Variants in MZT2B observed in about 807,000 individuals in gnomAD.
MZT2B encodes mitotic-spindle organizing protein 2B.
In MZT2B, 11 loss-of-function variants were observed where a neutral mutation model predicts 12.1. The observed-to-expected ratio is 0.91, with a 90% CI of 0.57 to 1.50. The LOEUF (loss-of-function observed/expected upper bound fraction) is 1.50. Ranked by LOEUF, MZT2B falls within the 40% of genes most tolerant of loss-of-function variation. The pLI is 0.00. For synonymous variants in MZT2B, 85 were observed against 109.5 expected, an observed-to-expected ratio of 0.78 and a Z score of 1.40; for missense variants, 209 against 227.7, an observed-to-expected ratio of 0.92 and a Z score of 0.53.
At chr2:130,183,414 C>G (rs921783405) in intron 2 of MZT2B, 1 of 382,592 alleles carries the variant, frequency 2.6e-6, no homozygotes, top group Non-Finnish European at 5.0e-6. Context: ...CCTGCGGGGT[C>G]TGAAGGGCCT....
At chr2:130,182,176 C>T, upstream of MZT2B, 1 of 1,261,612 alleles carries the variant, frequency 7.9e-7, no homozygotes, top group Non-Finnish European at 1.0e-6. Flanking sequence ...GCCCCTCCCG[C>T]CAGGGCAGCC....
downstream of MZT2B, among the ~76,000 whole-genome samples, chr2:130,193,263 A>G (rs1179132947): frequency 6.6e-6 from 1 of 151,946 alleles, no homozygotes; most frequent in East Asian, 1.9e-4. Context: ...AAATAAATAA[A>G]TAAATAAAGC....
chr2:130,204,214 C>A, the MZT2B span: 1 of 1,198,798 alleles, frequency 8.3e-7, no homozygotes, highest in Non-Finnish European at 1.1e-6. Flanking sequence ...AGCCAAAGAA[C>A]TGAAAGATGC....
downstream of MZT2B, chr2:130,192,001 A>C (rs1273777774): frequency 4.3e-6 from 7 of 1,613,914 alleles, no homozygotes. Flanking sequence ...ATGAGATCGA[A>C]CTTATGGACC....
At chr2:130,195,906 TCAC>T in the MZT2B span, among the ~76,000 whole-genome samples, 2 of 152,250 alleles carry the variant, frequency 1.3e-5, no homozygotes, top group African/African-American at 4.8e-5. Context: ...GGGAATCTCT[TCAC>T]AGCCCATCTT....
chr2:130,204,250 C>A, the MZT2B span: 2 of 852,154 alleles, frequency 2.3e-6, no homozygotes, highest in Non-Finnish European at 3.4e-6. Context: ...GCTGGCCCTG[C>A]AGGAGTTCTT....
chr2:130,191,744 C>T, downstream of MZT2B: 2 of 1,544,318 alleles, frequency 1.3e-6, no homozygotes, highest in Non-Finnish European at 1.7e-6. Flanking sequence ...ACTCAGAGGT[C>T]TTGGTTTTAT....
In MZT2B at chr2:130,182,701, G is replaced by T; in HGVS notation, c.245G>T (p.Gly82Val). The change falls in exon 2 of 3, where the codon GGG (glycine) becomes GTG (valine). Residue 82 changes from glycine to valine, a missense_variant. By Grantham distance (109) the Gly-to-Val change is moderately radical. Coordinates refer to ENST00000281871, the MANE Select transcript of MZT2B (RefSeq NM_025029.5). ...VFQMLKSMCAGQRLASEPQDP... is the reference protein window; with the variant it reads ...VFQMLKSMCAVQRLASEPQDP... The stretch of plus-strand genomic sequence containing the variant: ...CAGATGCTCAAGTCCATGTGTGCCG[G>T]GCAGAGGCTAGCGAGCGAGCCCCAG... 6.5e-7 allele frequency: 1 copy of T among 1,547,446 alleles called. No homozygotes were observed. Among genetic ancestry groups the T allele is most frequent in the Non-Finnish European group, 8.7e-7 (1 of 1,145,210 alleles).
In MZT2B at chr2:130,182,265, T is replaced by C. The variant is rs1181965155; in HGVS notation, c.-18T>C. 1.3e-5 allele frequency: 17 copies of C among 1,294,772 alleles called. No individual in the cohort carries two copies. The highest frequency in any genetic ancestry group is 9.7e-6 in the Non-Finnish European group (10 of 1,030,004). 80.2% of individuals were successfully genotyped at this position (1,294,772 alleles called of 1,614,324 possible). A position where few individuals can be genotyped will look rare whatever the true frequency, so the allele number is the denominator to read the frequency against. On this transcript the variant is annotated 5_prime_UTR_variant, in exon 1 of 3. Transcript: ENST00000281871. ...GGGGCGCGGCGGGGCGGAGCGCACCTTTCCGCGGGCCGCGGGGATGGCGGC... is the reference window on the plus strand; with the variant it reads ...GGGGCGCGGCGGGGCGGAGCGCACCCTTCCGCGGGCCGCGGGGATGGCGGC...
rs1415054854 is a variant in MZT2B, at chr2:130,182,660, C to T, written c.204C>T (p.Ala68=). The change falls in exon 2 of 3, where the codon GCC becomes GCT. Residue 68 remains alanine, a synonymous_variant. Coordinates refer to ENST00000281871, the MANE Select transcript of MZT2B (RefSeq NM_025029.5). ...TGGACCTGCTGAAGCTGAACGTGGC[C>T]CCCCTCGCCGTCTTCCAGATGCTCA... is the stretch of plus-strand genomic sequence containing the variant. The part of the protein sequence containing the change: ...ILVDLLKLNV[A]PLAVFQMLKS... 26 of 1,552,134 alleles carry T rather than the reference C, an allele frequency of 1.7e-5. No homozygotes were observed. The highest frequency in any genetic ancestry group is 2.2e-5 in the Non-Finnish European group (25 of 1,149,182).
chr2:130,198,554 AAC>A, the MZT2B span: 1 of 645,788 alleles, frequency 1.5e-6, no homozygotes, highest in Non-Finnish European at 2.4e-6. Context: ...GCCGTTGCTC[AAC>A]ACGTGTAGTG....
the MZT2B span, among the ~76,000 whole-genome samples, chr2:130,202,013 G>A: frequency 5.4e-3 from 816 of 152,220 alleles, 13 homozygotes; most frequent in Middle Eastern, 0.017. Flanking sequence ...GATTATAAAA[G>A]TAACACATAT....
Position 130,182,333 on chromosome 2 carries a change from G to A in MZT2B, c.51G>A (p.Gly17=). 2 of 1,528,158 alleles carry A rather than the reference G, an allele frequency of 1.3e-6. No homozygotes were observed. Among genetic ancestry groups the A allele is most frequent in the Non-Finnish European group, 1.7e-6 (2 of 1,143,290 alleles). The allele number at this position is 1,528,158 out of a possible 1,614,324, so 94.7% of individuals were successfully genotyped here. A position where few individuals can be genotyped will look rare whatever the true frequency, so the allele number is the denominator to read the frequency against. ...GPGPGSAAPP[G]LEAARQKLAL... ...GGCCGGGGTCGGCGGCGCCCCCGGG[G>A]CTGGAGGCGGCCCGGCAGAAGCTGG... is the stretch of plus-strand genomic sequence containing the variant. Residue 17 remains glycine, a synonymous_variant, in exon 1 of 3, where the codon GGG becomes GGA. Coordinates refer to ENST00000281871, the MANE Select transcript of MZT2B (RefSeq NM_025029.5).
chr2:130,194,106 C>T (rs1341484831), downstream of MZT2B: 1 of 1,614,184 alleles, frequency 6.2e-7, no homozygotes, highest in Admixed American at 1.7e-5. Flanking sequence ...TTCAGGGCCC[C>T]ATCAAATCGC....
chr2:130,191,448 T>G (rs1386525199), downstream of MZT2B, among the ~76,000 whole-genome samples: 4 of 152,216 alleles, frequency 2.6e-5, no homozygotes, highest in Admixed American at 6.5e-5. Context: ...CAACACTTCA[T>G]GCTCCCTTTT....
chr2:130,184,201 C>T (rs1249366124), intron 2 of MZT2B: 21 of 1,433,992 alleles, frequency 1.5e-5, no homozygotes, highest in Non-Finnish European at 1.7e-5. Context: ...CCAACACCCC[C>T]ACACCCCAGA....
intron 2 of MZT2B, chr2:130,184,287 G>A: frequency 1.0e-6 from 1 of 985,114 alleles, no homozygotes. Flanking sequence ...CTGTGCTGGA[G>A]AGCACAGCCC....
intron 2 of MZT2B, among the ~76,000 whole-genome samples, chr2:130,186,305 A>G (rs1032558447): frequency 5.3e-5 from 8 of 152,066 alleles, no homozygotes; most frequent in Admixed American, 1.3e-4. Context: ...AGCCATCCAG[A>G]CAGCCTGTGG....
At chr2:130,202,450 T>G in the MZT2B span, 1 of 1,269,424 alleles carries the variant, frequency 7.9e-7, no homozygotes, top group South Asian at 1.3e-5. Flanking sequence ...GTAGGCAGTT[T>G]GGTTCTGGGT....
Sources: allele counts gnomAD v4.1 joint callset (sites outside exome capture counted in the v4.1 genomes callset), GRCh38; gene constraint gnomAD v4.1.1; transcripts MANE v1.5; gene names NCBI Gene and HGNC (gene_info 2026-07-23, HGNC 2026-07-21).